SLC24A3: variants seen among roughly 807,000 people sequenced by gnomAD.
SLC24A3 encodes the protein sodium/potassium/calcium exchanger 3.
A neutral mutation model predicts 75.8 loss-of-function variants in SLC24A3; 28 were observed. That is an observed-to-expected ratio of 0.37 (90% confidence interval 0.27 to 0.51). SLC24A3 has a LOEUF of 0.51. Ranked by LOEUF, SLC24A3 falls within the 20% of genes least tolerant of loss-of-function variation. SLC24A3 has a pLI of 0.94. For missense variants in SLC24A3, 663 were observed against 847.8 expected (o/e 0.78, Z 2.71); for synonymous variants, 372 against 334.1 (o/e 1.11, Z -1.24).
At chr20:19,220,518 G>A (rs1289398187) in intron 1 of SLC24A3, among the ~76,000 whole-genome samples, 2 of 152,208 alleles carry the variant, frequency 1.3e-5, no homozygotes, top group African/African-American at 4.8e-5. Flanking sequence ...GTGACCTCAG[G>A]AAGTCGATAA....
rs151226782 is a variant in SLC24A3 at position 19,711,926 on chromosome 20, C to T, written c.1720-5602C>T. On this transcript the variant is annotated intron_variant, in intron 15 of 16. Coordinates refer to ENST00000328041, the MANE Select transcript of SLC24A3 (RefSeq NM_020689.4). Reference sequence around the variant, plus strand: ...GTGCTAGGGTTACAGGTGTGAGCTACCGCGCCTGGCCGCAGATGCTCATTT... The same window carrying T: ...GTGCTAGGGTTACAGGTGTGAGCTATCGCGCCTGGCCGCAGATGCTCATTT... 2.9e-3 allele frequency among the ~76,000 whole-genome samples: 444 copies of T among 152,046 alleles called. 3 individuals carry two copies. Among genetic ancestry groups the T allele is most frequent in the Admixed American group, 6.7e-3 (102 of 15,274 alleles).
At chr20:19,696,522 C>A (rs1184432507) in intron 13 of SLC24A3, 2 of 354,372 alleles carry the variant, frequency 5.6e-6, no homozygotes, top group Non-Finnish European at 1.0e-5. Flanking sequence ...TCTATTTTCT[C>A]TTCTCAAACC....
chr20:19,527,674 A>G (rs1458502887), intron 3 of SLC24A3, among the ~76,000 whole-genome samples: 1 of 152,220 alleles, frequency 6.6e-6, no homozygotes, highest in Non-Finnish European at 1.5e-5. Context: ...GCAAAGATCC[A>G]GGGACAGCAG....
At chr20:19,473,507 C>T (rs1008284044) in intron 2 of SLC24A3, among the ~76,000 whole-genome samples, 1 of 152,236 alleles carries the variant, frequency 6.6e-6, no homozygotes, top group Admixed American at 6.5e-5. Context: ...CTACGTTAAG[C>T]CCTTTCTGTA....
intron 1 of SLC24A3, among the ~76,000 whole-genome samples, chr20:19,239,225 G>A (rs898109194): frequency 2.0e-5 from 3 of 151,864 alleles, no homozygotes; most frequent in Non-Finnish European, 1.5e-5. Flanking sequence ...TATGCTCCTT[G>A]TGCAGTGTTT....
intron 6 of SLC24A3, among the ~76,000 whole-genome samples, chr20:19,590,282 G>T (rs1350497778): frequency 6.6e-6 from 1 of 152,066 alleles, no homozygotes; most frequent in African/African-American, 2.4e-5. Flanking sequence ...ACAGATGGAG[G>T]ACTCAGGCTG....
At chr20:19,525,388 T>C (rs2030179712) in intron 3 of SLC24A3, among the ~76,000 whole-genome samples, 1 of 152,022 alleles carries the variant, frequency 6.6e-6, no homozygotes, top group African/African-American at 2.4e-5. Context: ...TGGATGATGG[T>C]CCCAGGAAGT....
chr20:19,339,056 A>C (rs1985203459), intron 2 of SLC24A3, among the ~76,000 whole-genome samples: 1 of 152,326 alleles, frequency 6.6e-6, no homozygotes, highest in Admixed American at 6.5e-5. Context: ...GACACTGCCA[A>C]GATTCGGAAG....
At chr20:19,560,613 C>A (rs929773401) in intron 3 of SLC24A3, among the ~76,000 whole-genome samples, 2 of 152,200 alleles carry the variant, frequency 1.3e-5, no homozygotes, top group Non-Finnish European at 2.9e-5. Context: ...CAACACCTCC[C>A]ATTAGATCCA....
intron 2 of SLC24A3, among the ~76,000 whole-genome samples, chr20:19,399,164 A>G (rs1363322940): frequency 6.6e-6 from 1 of 152,056 alleles, no homozygotes; most frequent in Non-Finnish European, 1.5e-5. Context: ...CTGAATAGTT[A>G]TCATTTTTTT....
At chr20:19,608,112 C>G (rs1170496974) in intron 6 of SLC24A3, among the ~76,000 whole-genome samples, 1 of 152,226 alleles carries the variant, frequency 6.6e-6, no homozygotes, top group Non-Finnish European at 1.5e-5. Flanking sequence ...TGCAAGAAGC[C>G]TTCCCTGGTT....
intron 2 of SLC24A3, among the ~76,000 whole-genome samples, chr20:19,392,139 T>C (rs141097854): frequency 2.9e-3 from 447 of 152,298 alleles, no homozygotes; most frequent in Non-Finnish European, 3.8e-3. Context: ...CATAGATGTT[T>C]AGAGGTCAGG....
rs569791199 is a variant in SLC24A3, at chr20:19,719,842, TG to T, written c.1786-1147del. ...CAAGAGAGAGGCCAGGGAATCAGGG[TG>T]GATGCCCCGGAGTGACTCCAGCGAG... is the stretch of plus-strand genomic sequence containing the variant. On this transcript the variant is annotated intron_variant, in intron 16 of 16. Transcript: ENST00000328041. Among the ~76,000 whole-genome samples the T allele has an allele frequency of 1.1e-3, 168 of 151,992 alleles. 1 individual carries two copies. Among genetic ancestry groups the T allele is most frequent in the African/African-American group, 3.9e-3 (161 of 41,470 alleles).
At chr20:19,582,271 A>G (rs530596096) in intron 4 of SLC24A3, among the ~76,000 whole-genome samples, 26 of 152,304 alleles carry the variant, frequency 1.7e-4, no homozygotes, top group African/African-American at 6.0e-4. Flanking sequence ...GCTTTCCTTA[A>G]TCACCTTTTA....
chr20:19,433,069 A>G (rs73900112), intron 2 of SLC24A3, among the ~76,000 whole-genome samples: 4,165 of 152,228 alleles, frequency 0.027, 166 homozygotes, highest in East Asian at 0.1. Flanking sequence ...AGATATAGAT[A>G]TTTTATCTTG....
intron 3 of SLC24A3, among the ~76,000 whole-genome samples, chr20:19,527,356 T>A (rs969829892): frequency 1.3e-5 from 2 of 152,166 alleles, no homozygotes; most frequent in Non-Finnish European, 2.9e-5. Context: ...TCATTGAATG[T>A]GTAGTGTGAC....
intron 2 of SLC24A3, among the ~76,000 whole-genome samples, chr20:19,281,560 G>C (rs566064467): frequency 3.8e-4 from 58 of 152,296 alleles, no homozygotes; most frequent in African/African-American, 1.2e-3. Flanking sequence ...TTGGTTGTGA[G>C]ATTTGATATC....
intron 2 of SLC24A3, among the ~76,000 whole-genome samples, chr20:19,484,369 A>G (rs950090183): frequency 6.6e-6 from 1 of 152,200 alleles, no homozygotes; most frequent in Non-Finnish European, 1.5e-5. Context: ...GACCTGTCAC[A>G]TGAGGTCAGG....
intron 6 of SLC24A3, among the ~76,000 whole-genome samples, chr20:19,629,183 C>T (rs966063165): frequency 6.6e-6 from 1 of 151,650 alleles, no homozygotes; most frequent in Non-Finnish European, 1.5e-5. Context: ...AATATACAAA[C>T]AAAATGAGAG....
Sources: gnomAD v4.1 joint callset for allele counts (sites outside exome capture counted in the v4.1 genomes callset) on GRCh38, gnomAD v4.1.1 for gene constraint, MANE v1.5 for transcripts, NCBI Gene and HGNC (gene_info 2026-07-23, HGNC 2026-07-21) for gene names.